Variants in LRRK1 observed in about 807,000 individuals in gnomAD.
LRRK1 encodes the protein leucine rich repeat kinase 1, also known as leucine-rich repeat serine/threonine-protein kinase 1.
LRRK1 carries 113 observed loss-of-function variants against 209.1 expected under a neutral mutation model. The observed-to-expected ratio is 0.54, with a 90% CI of 0.46 to 0.63. The LOEUF (loss-of-function observed/expected upper bound fraction) is 0.63, where lower values mean the gene tolerates loss of function less well. LRRK1 is among the 30% of genes least tolerant of loss of function. The probability of loss-of-function intolerance (pLI) is 0.00; values close to 1 mark genes in which losing one functional copy is unlikely to be tolerated. For synonymous variants in LRRK1, 1,144 were observed against 1,099.7 expected, an observed-to-expected ratio of 1.04 and a Z score of -0.80; for missense variants, 2,284 against 2,632.2, an observed-to-expected ratio of 0.87 and a Z score of 2.89.
chr15:100,988,630 C>A lies in LRRK1; in HGVS notation c.434-4C>A. On this transcript the variant is annotated splice_polypyrimidine_tract_variant and splice_region_variant and intron_variant, in intron 4 of 33. Coordinates refer to ENST00000388948, the MANE Select transcript of LRRK1 (RefSeq NM_024652.6). ...TTTCCCTTTGTCCTGCCATCTCCTG[C>A]CAGGTCCCTGCAGTCCCCAGCGGCT... 1 of 1,614,054 alleles carries A rather than the reference C, an allele frequency of 6.2e-7. No individual in the cohort carries two copies. The highest frequency in any genetic ancestry group is 8.5e-7 in the Non-Finnish European group (1 of 1,180,022).
rs572526098 is a variant in LRRK1, at chr15:101,076,671, A to G, written c.*7823A>G. The G allele has an allele frequency of 6.6e-6, 1 of 152,342 alleles. No individual in the cohort carries two copies. The highest frequency in any genetic ancestry group is 1.9e-4 in the East Asian group (1 of 5,184). 9.4% of individuals were successfully genotyped at this position (152,342 alleles called of 1,614,324 possible). A position where few individuals can be genotyped will look rare whatever the true frequency, so the allele number is the denominator to read the frequency against. On this transcript the variant is annotated 3_prime_UTR_variant, in exon 34 of 34. Coordinates refer to ENST00000388948, the MANE Select transcript of LRRK1 (RefSeq NM_024652.6). ...CAAGGAAATAACTTCTCAGTGTTCC[A>G]TCTGCTATTCTACTGCTCCTCAGGG...
intron 31 of LRRK1, 74 bp from the exon 32 acceptor site, chr15:101,065,278 C>T: frequency 1.3e-6 from 2 of 1,545,090 alleles, no homozygotes; most frequent in East Asian, 2.2e-5. Context: ...CAGATGAGTC[C>T]AGTGCCTACT....
intron 3 of LRRK1, chr15:100,974,296 A>G (rs2031163982): frequency 8.2e-6 from 2 of 245,058 alleles, no homozygotes; most frequent in Admixed American, 1.1e-4. Context: ...AAAGTAGCAC[A>G]TGCTGGAAAA....
intron 16 of LRRK1, 122 bp downstream of exon 16, chr15:101,025,089 A>G (rs2033964871): frequency 1.0e-6 from 1 of 962,674 alleles, no homozygotes; most frequent in African/African-American, 1.6e-5. Flanking sequence ...AGAGGGCCCC[A>G]GAACCGTGGT....
Position 101,015,353 on chromosome 15 carries a change from T to G in LRRK1, c.1560T>G (p.Arg520=). Reference sequence around the variant, plus strand: ...ATGAAGATGGACTGAAAACGAAGCGTATTGCCTTTTTCACCACCAGAGGTC... The same window carrying G: ...ATGAAGATGGACTGAAAACGAAGCGGATTGCCTTTTTCACCACCAGAGGTC... ...GKNEDGLKTK[R]IAFFTTRGRQ... Residue 520 remains arginine, a synonymous_variant, in exon 12 of 34, where the codon CGT becomes CGG. Transcript: ENST00000388948. 8 of 1,613,800 alleles carry G rather than the reference T, an allele frequency of 5.0e-6. No individual in the cohort carries two copies. The highest frequency in any genetic ancestry group is 1.3e-5 in the African/African-American group (1 of 74,990).
At position 101,066,164 on chromosome 15, in the gene LRRK1, C is replaced by T. The variant is rs576977074; in HGVS notation, c.5727C>T (p.Ala1909=). 9 of 1,613,116 alleles carry T rather than the reference C, an allele frequency of 5.6e-6. No individual in the cohort carries two copies. The highest frequency in any genetic ancestry group is 5.0e-5 in the Admixed American group (3 of 60,010). The change falls in exon 32 of 34, where the codon GCC becomes GCT. Residue 1909 remains alanine, a synonymous_variant. Transcript: ENST00000388948. The part of the protein sequence containing the change: ...DGETFSQHLQ[A]VKILAVRDLI... ...AGACCTTCAGCCAGCACCTGCAGGC[C>T]GTGAAGATCCTCGCCGTCAGAGACC...
chr15:101,058,974 T>TAAGA (rs2035992148), intron 29 of LRRK1, among the ~76,000 whole-genome samples: 1 of 152,116 alleles, frequency 6.6e-6, no homozygotes, highest in Admixed American at 6.6e-5. Flanking sequence ...TGAGACATAA[T>TAAGA]AAGATAAACG....
At chr15:100,957,434 T>G (rs1286053018) in intron 2 of LRRK1, among the ~76,000 whole-genome samples, 2 of 152,234 alleles carry the variant, frequency 1.3e-5, no homozygotes, top group African/African-American at 4.8e-5. Flanking sequence ...TATTTCTCCC[T>G]TCAGTTCTGT....
chr15:100,937,535 AT>A (rs1289794912), intron 2 of LRRK1, among the ~76,000 whole-genome samples: 17 of 114,548 alleles, frequency 1.5e-4, no homozygotes, highest in South Asian at 5.1e-4. Context: ...TTATTATTTT[AT>A]TTTATTTATT....
chr15:100,944,960 G>A (rs148653569), intron 2 of LRRK1, among the ~76,000 whole-genome samples: 35 of 152,256 alleles, frequency 2.3e-4, no homozygotes, highest in African/African-American at 7.2e-4. Context: ...GTAGCTGATC[G>A]CAGATGCTGT....
chr15:100,991,548 TTTTG>T (rs368434080), intron 6 of LRRK1, among the ~76,000 whole-genome samples: 67 of 152,336 alleles, frequency 4.4e-4, no homozygotes, highest in African/African-American at 1.4e-3. Context: ...AGAAAAGTTA[TTTTG>T]TTTATTTCTG....
chr15:100,926,680 C>CTTTTTTTTTTTTTTTTTTTTTTTTTCT (rs71151990), intron 2 of LRRK1, among the ~76,000 whole-genome samples: 1 of 81,846 alleles, frequency 1.2e-5, no homozygotes. Context: ...TTCTTTTTTT[C>CTTTTTTTTTTTTTTTTTTTTTTTTTCT]TTTTTTTTTT....
intron 24 of LRRK1, among the ~76,000 whole-genome samples, chr15:101,052,349 A>C (rs1340086942): frequency 6.6e-6 from 1 of 152,068 alleles, no homozygotes; most frequent in Non-Finnish European, 1.5e-5. Context: ...GCATTCAGGA[A>C]GGGGAGAGAA....
chr15:101,075,443 TAC>T lies in LRRK1; in HGVS notation c.*6596_*6597del. The T allele has an allele frequency of 8.3e-6, 1 of 120,370 alleles. No homozygotes were observed. 7.5% of individuals were successfully genotyped at this position (120,370 alleles called of 1,614,324 possible). On this transcript the variant is annotated 3_prime_UTR_variant, in exon 34 of 34. Coordinates refer to ENST00000388948, the MANE Select transcript of LRRK1 (RefSeq NM_024652.6). The stretch of plus-strand genomic sequence containing the variant: ...CCGACCTTAACCCATAAGTATAAGA[TAC>T]CTCTACTCCCTCCTTGGTGACCGAT...
intron 2 of LRRK1, among the ~76,000 whole-genome samples, chr15:100,971,224 C>T (rs1254041493): frequency 1.3e-5 from 2 of 151,530 alleles, no homozygotes; most frequent in Non-Finnish European, 2.9e-5. Context: ...ATCCCAGCTA[C>T]TCAGGAGGTT....
chr15:101,048,713 CG>C, intron 22 of LRRK1, 56 bp downstream of exon 22: 2 of 1,415,636 alleles, frequency 1.4e-6, no homozygotes, highest in Non-Finnish European at 1.9e-6. Flanking sequence ...GCAGCCACCG[CG>C]GGGCCACGTC....
intron 11 of LRRK1, among the ~76,000 whole-genome samples, 180 bp downstream of exon 11, chr15:101,014,608 G>C (rs2033441293): frequency 6.6e-6 from 1 of 152,224 alleles, no homozygotes; most frequent in Non-Finnish European, 1.5e-5. Context: ...GAGGGTGTGG[G>C]CAGGCCTGGT....
rs113202005 is a variant in LRRK1, at chr15:101,065,053, G to A, written c.4915-299G>A. 10 of 439,420 alleles carry A rather than the reference G, an allele frequency of 2.3e-5. 1 individual carries two copies. The South Asian group carries it at 3.0e-4, about 13-fold the overall frequency. The allele number at this position is 439,420 out of a possible 1,614,324, so 27.2% of individuals were successfully genotyped here. A position where few individuals can be genotyped will look rare whatever the true frequency, so the allele number is the denominator to read the frequency against. On this transcript the variant is annotated intron_variant, in intron 31 of 33. Transcript: ENST00000388948. Reference sequence around the variant, plus strand: ...CTCGCCCTGCAAGAAGCTGGCAGAAGCAGAGGCAGCCCATGTGGTCCAGGT... The same window carrying A: ...CTCGCCCTGCAAGAAGCTGGCAGAAACAGAGGCAGCCCATGTGGTCCAGGT...
At chr15:100,964,104 A>G (rs1275885516) in intron 2 of LRRK1, among the ~76,000 whole-genome samples, 1 of 152,082 alleles carries the variant, frequency 6.6e-6, no homozygotes, top group Non-Finnish European at 1.5e-5. Flanking sequence ...CAGAACTGTT[A>G]GTGAGAGCCC....
Sources: gnomAD v4.1 joint callset for allele counts (sites outside exome capture counted in the v4.1 genomes callset) on GRCh38, gnomAD v4.1.1 for gene constraint, MANE v1.5 for transcripts, NCBI Gene and HGNC (gene_info 2026-07-23, HGNC 2026-07-21) for gene names.